The following CREB5 variants were observed in gnomAD, a reference collection of about 807,000 sequenced individuals.
CREB5 encodes cAMP responsive element binding protein 5, also known as cyclic AMP-responsive element-binding protein 5.
CREB5 carries 19 observed loss-of-function variants against 57.1 expected under a neutral mutation model. The observed-to-expected ratio is 0.33, with a 90% CI of 0.23 to 0.49. CREB5 has a LOEUF of 0.49. Among genes scored for constraint, CREB5 ranks in the 20% least tolerant of loss-of-function variants. The pLI is 0.99. For synonymous variants in CREB5, 238 were observed against 238.3 expected (o/e 1.00, Z 0.01); for missense variants, 579 against 671.6 (o/e 0.86, Z 1.52).
chr7:28,322,733 G>A (rs1207142525), intron 1 of CREB5, among the ~76,000 whole-genome samples: 2 of 152,122 alleles, frequency 1.3e-5, no homozygotes, highest in Non-Finnish European at 2.9e-5. Context: ...TTAGTTTGCT[G>A]AGGATGATGG....
intron 1 of CREB5, among the ~76,000 whole-genome samples, chr7:28,364,259 A>G (rs1038325462): frequency 6.6e-6 from 1 of 152,226 alleles, no homozygotes; most frequent in Non-Finnish European, 1.5e-5. Context: ...TTAAGATCAT[A>G]TGATTTTTGC....
intron 1 of CREB5, among the ~76,000 whole-genome samples, chr7:28,434,770 C>T (rs1019017003): frequency 5.3e-5 from 8 of 152,076 alleles, no homozygotes; most frequent in Non-Finnish European, 1.0e-4. Context: ...AATTTACAAA[C>T]GACCTGTGCT....
chr7:28,513,176 C>T (rs886663295), intron 4 of CREB5, among the ~76,000 whole-genome samples: 7 of 152,224 alleles, frequency 4.6e-5, no homozygotes, highest in Admixed American at 6.5e-5. Context: ...GCCCATCAGC[C>T]GCTAGCCAGC....
chr7:28,632,599 A>G (rs1195301650), intron 5 of CREB5, among the ~76,000 whole-genome samples: 1 of 152,208 alleles, frequency 6.6e-6, no homozygotes, highest in African/African-American at 2.4e-5. Flanking sequence ...ATGTAATGCT[A>G]AGGCAGGAAG....
intron 1 of CREB5, among the ~76,000 whole-genome samples, chr7:28,336,533 G>C (rs909239311): frequency 3.9e-5 from 6 of 151,928 alleles, no homozygotes; most frequent in Non-Finnish European, 7.4e-5. Context: ...TCTGGTATCA[G>C]TTGTAATGTC....
At chr7:28,464,705 A>AT (rs56924951) in intron 1 of CREB5, among the ~76,000 whole-genome samples, 59,531 of 144,934 alleles carry the variant, frequency 0.41, 12,063 homozygotes, top group African/African-American at 0.5. Flanking sequence ...GTTTCAAGTT[A>AT]TTTTTAAAAA....
intron 5 of CREB5, among the ~76,000 whole-genome samples, chr7:28,649,532 C>T (rs1799042555): frequency 6.6e-6 from 1 of 152,150 alleles, no homozygotes; most frequent in Non-Finnish European, 1.5e-5. Flanking sequence ...GGTGTGCCAA[C>T]CTCTGACCTT....
chr7:28,433,934 A>G (rs1788834980), intron 1 of CREB5, among the ~76,000 whole-genome samples: 1 of 151,716 alleles, frequency 6.6e-6, no homozygotes, highest in Non-Finnish European at 1.5e-5. Flanking sequence ...ATCTCACTTT[A>G]CTCAACTCCA....
At chr7:28,347,728 A>G (rs994286380) in intron 1 of CREB5, among the ~76,000 whole-genome samples, 3 of 152,156 alleles carry the variant, frequency 2.0e-5, no homozygotes, top group Non-Finnish European at 4.4e-5. Context: ...ATGTATGTCC[A>G]CTTTGCATGT....
chr7:28,369,962 T>C (rs1786672944), intron 1 of CREB5, among the ~76,000 whole-genome samples: 1 of 152,218 alleles, frequency 6.6e-6, no homozygotes, highest in Admixed American at 6.5e-5. Flanking sequence ...TCACCTCTTG[T>C]TCCACTAGAA....
chr7:28,795,755 C>CTTTTTTT (rs367853221), intron 7 of CREB5, among the ~76,000 whole-genome samples: 1 of 137,518 alleles, frequency 7.3e-6, no homozygotes, highest in African/African-American at 2.7e-5. Flanking sequence ...GTTTTTCTTT[C>CTTTTTTT]TTTTTTTTTT....
intron 7 of CREB5, among the ~76,000 whole-genome samples, chr7:28,781,167 A>G (rs1806949970): frequency 6.6e-6 from 1 of 152,218 alleles, no homozygotes. Flanking sequence ...TGGAGGATCC[A>G]GAGACAGTAA....
intron 1 of CREB5, among the ~76,000 whole-genome samples, chr7:28,304,030 C>G (rs1785144309): frequency 6.6e-6 from 1 of 152,068 alleles, no homozygotes; most frequent in Non-Finnish European, 1.5e-5. Context: ...ATTTGGAATG[C>G]TATAATGTGG....
At chr7:28,759,191 TG>T (rs1473195043) in intron 7 of CREB5, among the ~76,000 whole-genome samples, 2 of 152,086 alleles carry the variant, frequency 1.3e-5, no homozygotes, top group Non-Finnish European at 2.9e-5. Context: ...AATACCTACC[TG>T]GTGTACTTCT....
chr7:28,417,039 C>T (rs568277678), intron 1 of CREB5, among the ~76,000 whole-genome samples: 5 of 152,194 alleles, frequency 3.3e-5, no homozygotes, highest in South Asian at 2.1e-4. Context: ...CAACAATGAG[C>T]AGCCTGAGAC....
intron 5 of CREB5, among the ~76,000 whole-genome samples, chr7:28,645,414 G>A (rs995675548): frequency 1.3e-5 from 2 of 152,166 alleles, no homozygotes; most frequent in African/African-American, 4.8e-5. Flanking sequence ...TGTGGGTTTT[G>A]AATAGAGCTG....
At chr7:28,688,938 C>T (rs1328941341) in intron 5 of CREB5, among the ~76,000 whole-genome samples, 1 of 152,108 alleles carries the variant, frequency 6.6e-6, no homozygotes, top group African/African-American at 2.4e-5. Flanking sequence ...CTGCTTGTGA[C>T]TGACAGAGAC....
chr7:28,344,159 CA>C (rs1341745410), intron 1 of CREB5, among the ~76,000 whole-genome samples: 1 of 151,724 alleles, frequency 6.6e-6, no homozygotes, highest in Non-Finnish European at 1.5e-5. Flanking sequence ...GTCTCTTCAG[CA>C]TGTTGTTTCC....
In CREB5 at chr7:28,825,536, A is replaced by G. The variant is rs1011806443; in HGVS notation, c.*6257A>G. ...AGTAAGTGTTAACTGAGGAAGTCCC[A>G]AAAAGGTGCTGTCACTTTAAGTTCT... On this transcript the variant is annotated 3_prime_UTR_variant, in exon 11 of 11. Transcript: ENST00000357727. 1.3e-5 allele frequency: 2 copies of G among 152,646 alleles called. No homozygotes were observed. The highest frequency in any genetic ancestry group is 4.8e-5 in the African/African-American group (2 of 41,458). 9.5% of individuals were successfully genotyped at this position (152,646 alleles called of 1,614,324 possible).
Sources: allele counts gnomAD v4.1 joint callset (sites outside exome capture counted in the v4.1 genomes callset), GRCh38; gene constraint gnomAD v4.1.1; transcripts MANE v1.5; gene names NCBI Gene and HGNC (gene_info 2026-07-23, HGNC 2026-07-21).